LRRFIP2: variants seen among roughly 807,000 people sequenced by gnomAD.
LRRFIP2 encodes leucine-rich repeat flightless-interacting protein 2.
Under a neutral mutation model 125.9 loss-of-function variants are expected in LRRFIP2, and 109 were observed. The ratio of observed to expected loss-of-function variants is 0.87; its 90% CI spans 0.74 to 1.01. LRRFIP2 has a LOEUF of 1.01. Ranked by LOEUF, LRRFIP2 falls within the 50% of genes least tolerant of loss-of-function variation. LRRFIP2 has a pLI of 0.00. For synonymous variants in LRRFIP2, 291 were observed against 293.1 expected, an observed-to-expected ratio of 0.99 and a Z score of 0.07; for missense variants, 850 against 862.3, an observed-to-expected ratio of 0.99 and a Z score of 0.18.
At chr3:37,110,913 G>A in intron 9 of LRRFIP2, 78 bp downstream of exon 9, 2 of 1,357,446 alleles carry the variant, frequency 1.5e-6, no homozygotes, top group Non-Finnish European at 2.1e-6. Context: ...GTTACAGCTA[G>A]TCAAAATGCA....
At chr3:37,128,176 G>T (rs1209122595) in intron 3 of LRRFIP2, among the ~76,000 whole-genome samples, 1 of 152,124 alleles carries the variant, frequency 6.6e-6, no homozygotes, top group East Asian at 1.9e-4. Flanking sequence ...CATGTCAATT[G>T]TTAGTGTTTT....
intron 1 of LRRFIP2, among the ~76,000 whole-genome samples, chr3:37,154,967 C>A (rs986803784): frequency 6.6e-6 from 1 of 152,172 alleles, no homozygotes; most frequent in South Asian, 2.1e-4. Context: ...TTACAGTGAA[C>A]GCTAGTCTGC....
chr3:37,139,951 C>G (rs957132633), intron 2 of LRRFIP2, among the ~76,000 whole-genome samples: 1 of 152,182 alleles, frequency 6.6e-6, no homozygotes, highest in Admixed American at 6.5e-5. Flanking sequence ...TTGTTCATCA[C>G]AAAAGTCACT....
At position 37,108,647 on chromosome 3, in the gene LRRFIP2, C is replaced by T. The variant is rs747121508; in HGVS notation, c.647G>A (p.Gly216Asp). 48 of 1,609,510 alleles carry T rather than the reference C, an allele frequency of 3.0e-5. No homozygotes were observed. Among genetic ancestry groups the T allele is most frequent in the Non-Finnish European group, 4.0e-5 (47 of 1,176,290 alleles). ...LYNGGLYNPYGPRTPSECSYY... is the reference protein window; with the variant it reads ...LYNGGLYNPYDPRTPSECSYY... ...CCTATTTAGACTTACAGTTCGAGGA[C>T]CATAAGGGTTATATAATCCACCATT... The change falls in exon 12 of 28, where the codon GGT becomes GAT. Residue 216 changes from glycine (G) to aspartate (D), a missense_variant. Physicochemically the swap from Gly to Asp is moderately conservative, Grantham distance 94. Coordinates refer to ENST00000336686, the MANE Select transcript of LRRFIP2 (RefSeq NM_006309.4).
In LRRFIP2 at chr3:37,105,459, C is replaced by T; in HGVS notation, c.779G>A (p.Ser260Asn). 2 of 1,613,722 alleles carry T rather than the reference C, an allele frequency of 1.2e-6. No individual in the cohort carries two copies. Among genetic ancestry groups the T allele is most frequent in the South Asian group, 1.1e-5 (1 of 91,068 alleles). ...SDRASRGRRESVVSAADYFSR... is the reference protein window; with the variant it reads ...SDRASRGRRENVVSAADYFSR... ...TTGCATGCAAATCATGCTCACCACA[C>T]TCTCCCTTCGTCCACGACTGGCACG... Residue 260 changes from serine (S) to asparagine (N), a missense_variant, in exon 14 of 28, where the codon AGT (serine) becomes AAT (asparagine). Ser to Asn is a conservative substitution (Grantham distance 46). Coordinates refer to ENST00000336686, the MANE Select transcript of LRRFIP2 (RefSeq NM_006309.4).
At chr3:37,121,344 A>G in intron 6 of LRRFIP2, 148 bp downstream of exon 6, 1 of 681,904 alleles carries the variant, frequency 1.5e-6, no homozygotes, top group Non-Finnish European at 2.5e-6. Context: ...AGAAAGCATC[A>G]TTTTCCAATG....
In LRRFIP2 at chr3:37,053,308, T is replaced by C. The variant is rs1358439177; in HGVS notation, c.*543A>G. 1 of 152,660 alleles carries C rather than the reference T, an allele frequency of 6.6e-6. No homozygotes were observed. The highest frequency in any genetic ancestry group is 2.4e-5 in the African/African-American group (1 of 41,466). 9.5% of individuals were successfully genotyped at this position (152,660 alleles called of 1,614,324 possible). A position where few individuals can be genotyped will look rare whatever the true frequency, so the allele number is the denominator to read the frequency against. ...AAATATTTTACAAAAAAAGGCTTTT[T>C]TCCTCCAAACATATAAATCTGAGTG... is the stretch of plus-strand genomic sequence containing the variant. On this transcript the variant is annotated 3_prime_UTR_variant, in exon 28 of 28. Transcript: ENST00000336686.
At chr3:37,115,420 G>T (rs1184318435) in intron 6 of LRRFIP2, among the ~76,000 whole-genome samples, 1 of 152,124 alleles carries the variant, frequency 6.6e-6, no homozygotes. Context: ...TTAAATACAA[G>T]AATTAAGCAT....
At chr3:37,131,113 C>T (rs1289148517) in intron 2 of LRRFIP2, among the ~76,000 whole-genome samples, 1 of 152,066 alleles carries the variant, frequency 6.6e-6, no homozygotes, top group African/African-American at 2.4e-5. Flanking sequence ...CAGTTTCAGG[C>T]ATCTGCTGGG....
rs201375123 is a variant in LRRFIP2 at position 37,159,520 on chromosome 3, G to GT, written c.-55-10483dup. Among the ~76,000 whole-genome samples the GT allele has an allele frequency of 3.9e-4, 59 of 151,280 alleles. No homozygotes were observed. In the East Asian group the frequency reaches 4.1e-3, roughly 10 times the overall value. ...ATGAGTTTGTTACTTTCTCTTTTTT[G>GT]TTTTTTTTGACAGAGTCTCGCTGCT... On this transcript the variant is annotated intron_variant, in intron 1 of 27. Coordinates refer to ENST00000336686, the MANE Select transcript of LRRFIP2 (RefSeq NM_006309.4).
At chr3:37,108,469 G>A (rs1258992606) in intron 12 of LRRFIP2, among the ~76,000 whole-genome samples, 168 bp downstream of exon 12, 1 of 152,162 alleles carries the variant, frequency 6.6e-6, no homozygotes, top group African/African-American at 2.4e-5. Context: ...GTCACAACTG[G>A]CTAGCTCAAT....
intron 1 of LRRFIP2, among the ~76,000 whole-genome samples, chr3:37,157,664 A>C (rs553425176): frequency 1.3e-5 from 2 of 152,324 alleles, no homozygotes; most frequent in East Asian, 3.9e-4. Flanking sequence ...CAAAACCTAC[A>C]GAAAGAATAT....
chr3:37,159,963 T>G (rs989540500), intron 1 of LRRFIP2, among the ~76,000 whole-genome samples: 4 of 127,440 alleles, frequency 3.1e-5, no homozygotes, highest in Non-Finnish European at 4.7e-5. Flanking sequence ...GAGGATTGCT[T>G]GAGCCCAATG....
intron 6 of LRRFIP2, among the ~76,000 whole-genome samples, chr3:37,119,104 T>C (rs1471554842): frequency 2.6e-5 from 4 of 152,320 alleles, no homozygotes; most frequent in African/African-American, 7.2e-5. Flanking sequence ...TCTAAACATT[T>C]AAACTGTGTT....
intron 15 of LRRFIP2, among the ~76,000 whole-genome samples, chr3:37,097,587 T>C (rs541853714): frequency 2.6e-5 from 4 of 152,182 alleles, no homozygotes; most frequent in Admixed American, 1.3e-4. Flanking sequence ...TCTATACTAA[T>C]AGACTTCCCT....
At position 37,112,903 on chromosome 3, in the gene LRRFIP2, A is replaced by G. The variant is rs769422105; in HGVS notation, c.438+12T>C. The G allele has an allele frequency of 6.7e-7, 1 of 1,496,394 alleles. No individual in the cohort carries two copies. Among genetic ancestry groups the G allele is most frequent in the East Asian group, 2.3e-5 (1 of 43,486 alleles). The allele number at this position is 1,496,394 out of a possible 1,614,324, so 92.7% of individuals were successfully genotyped here. A position where few individuals can be genotyped will look rare whatever the true frequency, so the allele number is the denominator to read the frequency against. The stretch of plus-strand genomic sequence containing the variant: ...CTTCGTGAATTGTGATATGAGAGAC[A>G]ACAGAACTAACCAGTAGGTCTTTAT... On this transcript the variant is annotated intron_variant, in intron 8 of 27. Coordinates refer to ENST00000336686, the MANE Select transcript of LRRFIP2 (RefSeq NM_006309.4).
Position 37,101,454 on chromosome 3 carries a change from C to T in LRRFIP2, c.873+1470G>A, listed in dbSNP as rs192133654. Among the ~76,000 whole-genome samples the T allele has an allele frequency of 2.7e-3, 409 of 151,800 alleles. 2 individuals carry two copies. The highest frequency in any genetic ancestry group is 9.6e-3 in the African/African-American group (398 of 41,406). ...CTGAGGCAGGTAGATTGATTGAGGT[C>T]AGGAATTCGAGACCAGCCTGGACAA... On this transcript the variant is annotated intron_variant, in intron 15 of 27. Transcript: ENST00000336686.
chr3:37,098,925 G>A (rs2093876121), intron 15 of LRRFIP2, among the ~76,000 whole-genome samples: 1 of 152,098 alleles, frequency 6.6e-6, no homozygotes, highest in Non-Finnish European at 1.5e-5. Context: ...AAGCTTATTT[G>A]AAATCCTTCC....
intron 15 of LRRFIP2, among the ~76,000 whole-genome samples, chr3:37,097,322 G>T (rs2093773742): frequency 6.6e-6 from 1 of 152,020 alleles, no homozygotes; most frequent in African/African-American, 2.4e-5. Context: ...ATTCTAGTAA[G>T]TGTCCCATAT....
Sources: allele counts gnomAD v4.1 joint callset (sites outside exome capture counted in the v4.1 genomes callset), GRCh38; gene constraint gnomAD v4.1.1; transcripts MANE v1.5; gene names NCBI Gene and HGNC (gene_info 2026-07-23, HGNC 2026-07-21).